DLGAP1: variants seen among roughly 807,000 people sequenced by gnomAD.
DLGAP1 encodes the protein disks large-associated protein 1.
DLGAP1 carries 11 observed loss-of-function variants against 90.8 expected under a neutral mutation model. The observed-to-expected ratio is 0.12, with a 90% confidence interval of 0.08 to 0.20. The LOEUF is 0.20. Ranked by LOEUF, DLGAP1 falls within the 10% of genes least tolerant of loss-of-function variation. The probability of loss-of-function intolerance (pLI) is 1.00; values close to 1 mark genes in which losing one functional copy is unlikely to be tolerated. For missense variants in DLGAP1, 1,050 were observed against 1,333.8 expected, an observed-to-expected ratio of 0.79 and a Z score of 3.31; for synonymous variants, 558 against 540.7, an observed-to-expected ratio of 1.03 and a Z score of -0.44.
intron 1 of DLGAP1, among the ~76,000 whole-genome samples, chr18:4,245,818 T>C: frequency 6.8e-6 from 1 of 146,882 alleles, no homozygotes; most frequent in East Asian, 1.9e-4. Context: ...TCACCTAATA[T>C]GATCACACCT....
intron 10 of DLGAP1, among the ~76,000 whole-genome samples, chr18:3,529,590 G>A (rs1239931697): frequency 6.6e-6 from 1 of 152,106 alleles, no homozygotes; most frequent in Non-Finnish European, 1.5e-5. Context: ...TGCGTCAGAG[G>A]GTCTGGTGAT....
intron 7 of DLGAP1, among the ~76,000 whole-genome samples, chr18:3,678,324 C>G (rs1035875416): frequency 6.6e-6 from 1 of 151,940 alleles, no homozygotes; most frequent in Non-Finnish European, 1.5e-5. Context: ...TTTGATGATT[C>G]CTTCTGCTTG....
At position 4,151,201 on chromosome 18, in the gene DLGAP1, T is replaced by C. The variant is rs1405439139; in HGVS notation, c.-180A>G. 1.3e-5 allele frequency: 2 copies of C among 152,212 alleles called. No individual in the cohort carries two copies. The highest frequency in any genetic ancestry group is 2.9e-5 in the Non-Finnish European group (2 of 68,042). The allele number at this position is 152,212 out of a possible 1,614,324, so 9.4% of individuals were successfully genotyped here. ...TTACCTTTGATTATCAATTGTCCAT[T>C]TTCCTTGCTTCCGAGTCAGGAAAAG... On this transcript the variant is annotated 5_prime_UTR_variant, in exon 2 of 13. Transcript: ENST00000315677.
chr18:3,946,300 G>C (rs1233037166), intron 3 of DLGAP1, among the ~76,000 whole-genome samples: 1 of 152,190 alleles, frequency 6.6e-6, no homozygotes, highest in Admixed American at 6.5e-5. Flanking sequence ...GTGGTGGACA[G>C]ACATGAAGTA....
chr18:3,789,082 C>G (rs1002090134), intron 5 of DLGAP1, among the ~76,000 whole-genome samples: 1 of 152,202 alleles, frequency 6.6e-6, no homozygotes, highest in Non-Finnish European at 1.5e-5. Flanking sequence ...ACAGAAGAAA[C>G]AGATGGATAT....
chr18:4,420,060 A>G (rs1432968637), intron 1 of DLGAP1, among the ~76,000 whole-genome samples: 2 of 152,184 alleles, frequency 1.3e-5, no homozygotes, highest in African/African-American at 2.4e-5. Flanking sequence ...TAATAGGTAA[A>G]GTAGACTTCA....
chr18:3,619,810 G>GT (rs1217068183), intron 7 of DLGAP1, among the ~76,000 whole-genome samples: 16 of 63,336 alleles, frequency 2.5e-4, no homozygotes, highest in African/African-American at 8.6e-4. Context: ...GTTTTTTTTT[G>GT]TTTTTTGTTT....
At chr18:3,839,157 A>T (rs1403765942) in intron 4 of DLGAP1, among the ~76,000 whole-genome samples, 1 of 152,186 alleles carries the variant, frequency 6.6e-6, no homozygotes, top group African/African-American at 2.4e-5. Flanking sequence ...GAACTTCATT[A>T]TTCTCTTTAT....
At chr18:3,656,736 A>ATT (rs777850658) in intron 7 of DLGAP1, among the ~76,000 whole-genome samples, 2 of 145,140 alleles carry the variant, frequency 1.4e-5, no homozygotes, top group Non-Finnish European at 1.5e-5. Flanking sequence ...TTTGCAGTGA[A>ATT]TTTTTTTTTT....
chr18:3,548,751 A>G (rs1206159896), intron 9 of DLGAP1, among the ~76,000 whole-genome samples: 3 of 152,200 alleles, frequency 2.0e-5, no homozygotes, highest in Admixed American at 2.0e-4. Flanking sequence ...TCAACATTGC[A>G]CTAGGCCAGG....
chr18:3,758,291 T>C (rs1002577519), intron 5 of DLGAP1, among the ~76,000 whole-genome samples: 11 of 152,194 alleles, frequency 7.2e-5, no homozygotes, highest in Admixed American at 2.0e-4. Context: ...CAATAAGTCT[T>C]GGCTTTGTCA....
intron 1 of DLGAP1, among the ~76,000 whole-genome samples, chr18:4,409,612 T>C (rs1322294680): frequency 1.3e-5 from 2 of 152,212 alleles, no homozygotes; most frequent in Non-Finnish European, 2.9e-5. Flanking sequence ...ATCGCCATTC[T>C]TACAGGAGTA....
chr18:4,032,689 A>C (rs2074815744), intron 2 of DLGAP1, among the ~76,000 whole-genome samples: 1 of 149,874 alleles, frequency 6.7e-6, no homozygotes, highest in Non-Finnish European at 1.5e-5. Flanking sequence ...TTGGAAGCCA[A>C]AGTTTTAAGG....
intron 1 of DLGAP1, among the ~76,000 whole-genome samples, chr18:4,379,796 C>T (rs1598318482): frequency 6.6e-6 from 1 of 152,080 alleles, no homozygotes; most frequent in Non-Finnish European, 1.5e-5. Flanking sequence ...CTGAATCTCA[C>T]TCAACTGAAA....
chr18:4,428,788 T>C (rs1377047556), intron 1 of DLGAP1, among the ~76,000 whole-genome samples: 1 of 152,212 alleles, frequency 6.6e-6, no homozygotes, highest in Non-Finnish European at 1.5e-5. Flanking sequence ...CAGGTATTTC[T>C]TCATAACAGT....
intron 2 of DLGAP1, among the ~76,000 whole-genome samples, chr18:4,009,334 C>T (rs2074372168): frequency 6.6e-6 from 1 of 152,216 alleles, no homozygotes; most frequent in Admixed American, 6.5e-5. Flanking sequence ...GTATGAATAG[C>T]ATTAACTACA....
intron 3 of DLGAP1, among the ~76,000 whole-genome samples, chr18:3,987,353 C>CA (rs1190362207): frequency 3.3e-5 from 5 of 151,628 alleles, no homozygotes; most frequent in Admixed American, 2.6e-4. Flanking sequence ...ATTTTGCTAC[C>CA]AAAAAAAAGT....
Position 4,246,271 on chromosome 18 carries a change from A to T in DLGAP1, c.-266-94984T>A, listed in dbSNP as rs191540316. Among the ~76,000 whole-genome samples the T allele has an allele frequency of 5.2e-3, 780 of 148,704 alleles. 3 individuals are homozygous for T. Among genetic ancestry groups the T allele is most frequent in the Non-Finnish European group, 8.1e-3 (543 of 66,820 alleles). ...GATATTTTTCACTTCCTGATTTGAT[A>T]AAAAAAAGGAAAAAAAATAGCCATG... On this transcript the variant is annotated intron_variant, in intron 1 of 12. Coordinates refer to ENST00000315677, the MANE Select transcript of DLGAP1 (RefSeq NM_004746.4).
At chr18:3,873,975 T>A (rs2070907426) in intron 4 of DLGAP1, among the ~76,000 whole-genome samples, 1 of 152,184 alleles carries the variant, frequency 6.6e-6, no homozygotes, top group Non-Finnish European at 1.5e-5. Context: ...GATGTCTCCA[T>A]CTGCTTTTTT....
Sources: allele counts gnomAD v4.1 joint callset (sites outside exome capture counted in the v4.1 genomes callset), GRCh38; gene constraint gnomAD v4.1.1; transcripts MANE v1.5; gene names NCBI Gene and HGNC (gene_info 2026-07-23, HGNC 2026-07-21).